Variants in ADAMTSL1 observed in about 807,000 individuals in gnomAD.
ADAMTSL1 encodes the protein ADAMTS-like protein 1.
Under a neutral mutation model 201.8 loss-of-function variants are expected in ADAMTSL1, and 126 were observed. The ratio of observed to expected loss-of-function variants is 0.62; its 90% confidence interval spans 0.54 to 0.72. The LOEUF is 0.72. ADAMTSL1 is among the 30% of genes least tolerant of loss of function. ADAMTSL1 has a pLI of 0.00. For synonymous variants in ADAMTSL1, 1,121 were observed against 903.4 expected (o/e 1.24, Z -4.32); for missense variants, 2,679 against 2,277.8 (o/e 1.18, Z -3.59).
intron 2 of ADAMTSL1, among the ~76,000 whole-genome samples, chr9:18,364,979 C>G (rs912999163): frequency 6.6e-6 from 1 of 152,128 alleles, no homozygotes; most frequent in African/African-American, 2.4e-5. Context: ...ACCTCCAACA[C>G]CGGGGATTAC....
chr9:18,533,157 T>C, intron 2 of ADAMTSL1, 90 bp from the exon 3 acceptor site: 1 of 1,021,778 alleles, frequency 9.8e-7, no homozygotes, highest in Non-Finnish European at 1.4e-6. Flanking sequence ...GCCCTTTTAC[T>C]AGTATTTAGA....
intron 1 of ADAMTSL1, among the ~76,000 whole-genome samples, chr9:18,482,769 AC>A (rs2131815391): frequency 6.6e-6 from 1 of 152,338 alleles, no homozygotes; most frequent in South Asian, 2.1e-4. Flanking sequence ...CATCAATACA[AC>A]TAGGAATGAA....
At chr9:18,113,729 G>A (rs888274010) in intron 1 of ADAMTSL1, among the ~76,000 whole-genome samples, 2 of 152,080 alleles carry the variant, frequency 1.3e-5, no homozygotes, top group Admixed American at 6.6e-5. Context: ...GACAGTCACT[G>A]TTCTGAGGAC....
Position 18,776,726 on chromosome 9 carries a change from G to A in ADAMTSL1, c.2552-55G>A, listed in dbSNP as rs1031835433. ...TCTCTCCTGGCTGCATCTCACTCTG[G>A]GTTTTCTCTCTCCCCACCTCTTTCT... is the stretch of plus-strand genomic sequence containing the variant. On this transcript the variant is annotated intron_variant, in intron 18 of 28. Coordinates refer to ENST00000380548, the MANE Select transcript of ADAMTSL1 (RefSeq NM_001040272.6). 2.0e-6 allele frequency: 3 copies of A among 1,482,188 alleles called. No individual in the cohort carries two copies. The African/African-American group carries it at 4.2e-5, about 21-fold the overall frequency. The allele number at this position is 1,482,188 out of a possible 1,614,324, so 91.8% of individuals were successfully genotyped here.
intron 2 of ADAMTSL1, among the ~76,000 whole-genome samples, chr9:18,423,911 A>G (rs1456103149): frequency 6.6e-6 from 1 of 152,236 alleles, no homozygotes; most frequent in Non-Finnish European, 1.5e-5. Flanking sequence ...GATTAAGATA[A>G]ATATGTGCAT....
chr9:18,501,497 C>T lies in ADAMTSL1; in HGVS notation c.64-3332C>T, dbSNP rs1467149492. Among the ~76,000 whole-genome samples, 8 of 105,570 alleles carry T rather than the reference C, an allele frequency of 7.6e-5. No homozygotes were observed. The East Asian group carries it at 1.0e-3, about 14-fold the overall frequency. 69.3% of individuals were successfully genotyped at this position (105,570 alleles called of 152,430 possible). A position where few individuals can be genotyped will look rare whatever the true frequency, so the allele number is the denominator to read the frequency against. On this transcript the variant is annotated intron_variant, in intron 1 of 28. Coordinates refer to ENST00000380548, the MANE Select transcript of ADAMTSL1 (RefSeq NM_001040272.6). ...CCAGCCTGGGCAACAAAGTAAGACA[C>T]GGTCTCAAAAAAAAAAAAAAAAAAA...
chr9:18,087,713 ATT>A (rs1823827670), intron 1 of ADAMTSL1, among the ~76,000 whole-genome samples: 1 of 152,128 alleles, frequency 6.6e-6, no homozygotes, highest in African/African-American at 2.4e-5. Context: ...TTTTGATAAT[ATT>A]TTATGATTTT....
intron 4 of ADAMTSL1, among the ~76,000 whole-genome samples, chr9:18,585,385 T>C (rs532732765): frequency 7.9e-5 from 12 of 152,172 alleles, no homozygotes; most frequent in Non-Finnish European, 1.8e-4. Context: ...AAATCTAAAA[T>C]AGAAAACATT....
At chr9:18,728,157 T>C (rs1785352997) in intron 15 of ADAMTSL1, among the ~76,000 whole-genome samples, 2 of 152,148 alleles carry the variant, frequency 1.3e-5, no homozygotes, top group African/African-American at 4.8e-5. Context: ...TGCATGTATT[T>C]AGTTGCTGCA....
intron 1 of ADAMTSL1, among the ~76,000 whole-genome samples, chr9:18,146,637 A>C (rs1364046396): frequency 6.6e-6 from 1 of 152,130 alleles, no homozygotes; most frequent in East Asian, 1.9e-4. Flanking sequence ...AATGGCAGAT[A>C]CATTACACTA....
intron 3 of ADAMTSL1, among the ~76,000 whole-genome samples, chr9:18,562,489 T>C (rs921691159): frequency 2.9e-4 from 44 of 152,314 alleles, no homozygotes; most frequent in Non-Finnish European, 5.4e-4. Context: ...ATGACAATTA[T>C]GTGTCTTGGG....
intron 2 of ADAMTSL1, among the ~76,000 whole-genome samples, chr9:18,305,826 G>GAGGGAGTAATCCCTGCCAATACC: frequency 6.6e-6 from 1 of 152,176 alleles, no homozygotes; most frequent in South Asian, 2.1e-4. Flanking sequence ...GAAGAGAGCA[G>GAGGGAGTAATCCCTGCCAATACC]TGGATCACGC....
chr9:18,904,633 CAAAAAAAAAAAAAAAAAAA>C (rs71333072), intron 26 of ADAMTSL1, among the ~76,000 whole-genome samples: 3 of 14,984 alleles, frequency 2.0e-4, no homozygotes, highest in Non-Finnish European at 2.4e-4. Context: ...GACCCTGCCT[CAAAAAAAAAAAAAAAAAAA>C]AAAAAAAAAA....
At chr9:18,561,447 A>G (rs1328133256) in intron 3 of ADAMTSL1, among the ~76,000 whole-genome samples, 1 of 152,174 alleles carries the variant, frequency 6.6e-6, no homozygotes, top group African/African-American at 2.4e-5. Flanking sequence ...TTTACTTCCA[A>G]TTATGTGGTC....
intron 4 of ADAMTSL1, among the ~76,000 whole-genome samples, chr9:18,607,572 T>TTTA (rs59454405): frequency 6.1e-4 from 86 of 140,480 alleles, no homozygotes; most frequent in Middle Eastern, 3.6e-3. Context: ...CATAATTTCT[T>TTTA]TTATTATTAT....
chr9:18,345,041 C>G (rs970483920), intron 2 of ADAMTSL1, among the ~76,000 whole-genome samples: 1 of 152,120 alleles, frequency 6.6e-6, no homozygotes, highest in Non-Finnish European at 1.5e-5. Context: ...CTCTGACCTC[C>G]TTCTCCTGTC....
At chr9:18,553,153 G>A (rs962380470) in intron 3 of ADAMTSL1, among the ~76,000 whole-genome samples, 2 of 149,084 alleles carry the variant, frequency 1.3e-5, no homozygotes, top group African/African-American at 2.5e-5. Context: ...ATCTCTAGTT[G>A]GCCTGCTTTT....
intron 1 of ADAMTSL1, among the ~76,000 whole-genome samples, chr9:18,105,702 G>A (rs947742482): frequency 6.6e-6 from 1 of 152,172 alleles, no homozygotes; most frequent in Non-Finnish European, 1.5e-5. Context: ...TTTCCATGGC[G>A]AAGATGTTGT....
intron 26 of ADAMTSL1, chr9:18,905,463 T>C (rs1160447610): frequency 3.1e-6 from 1 of 319,784 alleles, no homozygotes; most frequent in African/African-American, 2.1e-5. Context: ...TAAAGTCTAC[T>C]GCCACATTCC....
Sources: gnomAD v4.1 joint callset for allele counts (sites outside exome capture counted in the v4.1 genomes callset) on GRCh38, gnomAD v4.1.1 for gene constraint, MANE v1.5 for transcripts, NCBI Gene and HGNC (gene_info 2026-07-23, HGNC 2026-07-21) for gene names.